Variants in LUZP2 observed in about 807,000 individuals in gnomAD.
The protein encoded by LUZP2 is leucine zipper protein 2.
In LUZP2, 52 loss-of-function variants were observed where a neutral mutation model predicts 51.6. The ratio of observed to expected loss-of-function variants is 1.01; its 90% CI spans 0.81 to 1.27. LUZP2 has a LOEUF of 1.27. Ranked by LOEUF, LUZP2 falls within the 50% of genes most tolerant of loss-of-function variation. The pLI, the probability that LUZP2 is intolerant of heterozygous loss-of-function variation, is 0.00. For synonymous variants in LUZP2, 154 were observed against 137.3 expected (o/e 1.12, Z -0.85); for missense variants, 436 against 395.4 (o/e 1.10, Z -0.87).
chr11:24,607,037 TG>T (rs1395881384), intron 1 of LUZP2, among the ~76,000 whole-genome samples: 1 of 152,072 alleles, frequency 6.6e-6, no homozygotes, highest in Non-Finnish European at 1.5e-5. Context: ...TTATATATTT[TG>T]GATGTTAATC....
chr11:24,778,797 A>G (rs11028170), intron 5 of LUZP2, among the ~76,000 whole-genome samples: 3,894 of 152,262 alleles, frequency 0.026, 100 homozygotes, highest in African/African-American at 0.07. Flanking sequence ...CACTGGTAAA[A>G]TAAGAGGTTT....
At chr11:24,604,358 G>A (rs980783053) in intron 1 of LUZP2, among the ~76,000 whole-genome samples, 1 of 151,748 alleles carries the variant, frequency 6.6e-6, no homozygotes, top group African/African-American at 2.4e-5. Context: ...TGTGATATGT[G>A]CTAATAATAC....
chr11:24,544,020 G>C (rs1185057580), intron 1 of LUZP2, among the ~76,000 whole-genome samples: 1 of 151,994 alleles, frequency 6.6e-6, no homozygotes, highest in East Asian at 1.9e-4. Context: ...AGTGAGGTGT[G>C]ATGGAAAAAA....
intron 5 of LUZP2, among the ~76,000 whole-genome samples, chr11:24,772,452 T>A (rs562757476): frequency 3.3e-5 from 5 of 152,174 alleles, no homozygotes; most frequent in Admixed American, 6.5e-5. Context: ...ATTTACTGAG[T>A]CCAGGACACA....
At chr11:24,687,961 G>T (rs1244370933) in intron 1 of LUZP2, among the ~76,000 whole-genome samples, 1 of 151,996 alleles carries the variant, frequency 6.6e-6, no homozygotes, top group Admixed American at 6.6e-5. Context: ...ACAAGTTTCG[G>T]CTTGGAGCCT....
intron 9 of LUZP2, among the ~76,000 whole-genome samples, chr11:25,030,987 A>AT (rs1437741600): frequency 1.1e-4 from 1 of 9,438 alleles, no homozygotes; most frequent in Non-Finnish European, 1.7e-4. Context: ...TATATAATAC[A>AT]ATATATATTA....
At chr11:25,022,249 A>G (rs776764578) in intron 9 of LUZP2, among the ~76,000 whole-genome samples, 30 of 152,070 alleles carry the variant, frequency 2.0e-4, no homozygotes, top group Non-Finnish European at 4.3e-4. Flanking sequence ...TTGTATCTAA[A>G]TAAAGCTTTA....
At chr11:24,601,723 T>C (rs1370996213) in intron 1 of LUZP2, among the ~76,000 whole-genome samples, 1 of 151,066 alleles carries the variant, frequency 6.6e-6, no homozygotes, top group Non-Finnish European at 1.5e-5. Flanking sequence ...ACTGCTAGCA[T>C]TTACCAGCAA....
At chr11:24,943,064 T>G (rs1375807090) in intron 7 of LUZP2, among the ~76,000 whole-genome samples, 8 of 152,210 alleles carry the variant, frequency 5.3e-5, no homozygotes, top group Admixed American at 4.6e-4. Flanking sequence ...TTCATGGATT[T>G]CTGCATGAGA....
In LUZP2 at chr11:24,611,531, A is replaced by G. The variant is rs1427491469; in HGVS notation, c.62+114226A>G. ...TTAGATTGTGTGAAAAGATACATTG[A>G]GTCAGAGTTTGGCAATTATGGAACT... On this transcript the variant is annotated intron_variant, in intron 1 of 11. Transcript: ENST00000336930. The surrounding 1 kb of genome is among the most constrained non-coding windows in gnomAD (Gnocchi z 4.6). Among the ~76,000 whole-genome samples the G allele has an allele frequency of 6.6e-6, 1 of 152,126 alleles. No individual in the cohort carries two copies. Among genetic ancestry groups the G allele is most frequent in the Non-Finnish European group, 1.5e-5 (1 of 68,016 alleles).
chr11:24,866,134 ACACACACACACACACACACG>A (rs1339502756), intron 5 of LUZP2, among the ~76,000 whole-genome samples: 1 of 31,282 alleles, frequency 3.2e-5, no homozygotes, highest in Non-Finnish European at 1.0e-4. Context: ...ACACACACAC[ACACACACACACACACACACG>A]TATATATTTA....
intron 1 of LUZP2, among the ~76,000 whole-genome samples, chr11:24,558,508 T>C (rs1851939546): frequency 6.6e-6 from 1 of 152,196 alleles, no homozygotes; most frequent in Non-Finnish European, 1.5e-5. Context: ...AGTACCAAAT[T>C]TGACATGCTT....
At chr11:24,940,697 A>G (rs1031753064) in intron 7 of LUZP2, among the ~76,000 whole-genome samples, 1 of 152,166 alleles carries the variant, frequency 6.6e-6, no homozygotes, top group Non-Finnish European at 1.5e-5. Flanking sequence ...AACAAAAGAG[A>G]CAATTTTACT....
intron 1 of LUZP2, among the ~76,000 whole-genome samples, chr11:24,612,677 T>A (rs1396841): frequency 0.35 from 53,271 of 151,856 alleles, 9,457 homozygotes; most frequent in Middle Eastern, 0.43. Context: ...CATTTGATTC[T>A]TATGTTTTCT....
intron 1 of LUZP2, among the ~76,000 whole-genome samples, chr11:24,588,744 T>G (rs1321331777): frequency 6.6e-6 from 1 of 152,016 alleles, no homozygotes; most frequent in Non-Finnish European, 1.5e-5. Flanking sequence ...TAATAACAAT[T>G]TTACTTTTCT....
intron 5 of LUZP2, among the ~76,000 whole-genome samples, chr11:24,896,728 A>C (rs539028109): frequency 1.3e-5 from 2 of 152,214 alleles, no homozygotes; most frequent in African/African-American, 4.8e-5. Flanking sequence ...TGGCCCCGGC[A>C]CGGGATCCAC....
intron 9 of LUZP2, among the ~76,000 whole-genome samples, chr11:24,987,713 G>A (rs1460403387): frequency 2.0e-5 from 3 of 151,932 alleles, no homozygotes; most frequent in African/African-American, 7.2e-5. Context: ...ACATGCAAGT[G>A]AAAACTGCAT....
At chr11:24,498,550 A>G (rs181075032) in intron 1 of LUZP2, among the ~76,000 whole-genome samples, 1 of 152,284 alleles carries the variant, frequency 6.6e-6, no homozygotes, top group Admixed American at 6.5e-5. Flanking sequence ...TTAAAATGAA[A>G]TGTAAGTTTG....
chr11:24,505,567 A>T (rs1850123261), intron 1 of LUZP2, among the ~76,000 whole-genome samples: 1 of 152,158 alleles, frequency 6.6e-6, no homozygotes, highest in African/African-American at 2.4e-5. Context: ...TTACCCTACC[A>T]GATTGTACAT....
Sources: gnomAD v4.1 joint callset for allele counts (sites outside exome capture counted in the v4.1 genomes callset) on GRCh38, gnomAD v4.1.1 for gene constraint, Gnocchi (gnomAD v3.1) non-coding constraint, MANE v1.5 for transcripts, NCBI Gene and HGNC (gene_info 2026-07-23, HGNC 2026-07-21) for gene names.